NAV2: variants seen among roughly 807,000 people sequenced by gnomAD.
NAV2 encodes helicase, APC down-regulated 1.
In NAV2, 54 loss-of-function variants were observed where a neutral mutation model predicts 223.2. The ratio of observed to expected loss-of-function variants is 0.24; its 90% confidence interval spans 0.19 to 0.30. NAV2 has a LOEUF of 0.30. Ranked by LOEUF, NAV2 falls within the 10% of genes least tolerant of loss-of-function variation. NAV2 has a pLI of 1.00. For synonymous variants in NAV2, 1,279 were observed against 1,239.3 expected, an observed-to-expected ratio of 1.03 and a Z score of -0.67; for missense variants, 2,806 against 3,147.5, an observed-to-expected ratio of 0.89 and a Z score of 2.60.
At chr11:19,645,015 T>C (rs1342539142) in intron 1 of NAV2, among the ~76,000 whole-genome samples, 2 of 152,230 alleles carry the variant, frequency 1.3e-5, no homozygotes, top group Non-Finnish European at 2.9e-5. Context: ...TTTGCTGCTA[T>C]AACAAATTAT....
At chr11:19,458,032 T>A (rs4630267) in intron 1 of NAV2, among the ~76,000 whole-genome samples, 21,349 of 152,162 alleles carry the variant, frequency 0.14, 1,626 homozygotes, top group East Asian at 0.24. Context: ...AAAACCCCCA[T>A]CTGGTCCCCC....
At chr11:19,440,714 C>A (rs1416614459) in intron 1 of NAV2, among the ~76,000 whole-genome samples, 1 of 152,048 alleles carries the variant, frequency 6.6e-6, no homozygotes, top group East Asian at 1.9e-4. Context: ...ACCTGACTGC[C>A]CAGTCTACAC....
chr11:19,984,353 C>CAGAG, intron 11 of NAV2, 106 bp downstream of exon 11: 2 of 1,536,980 alleles, frequency 1.3e-6, no homozygotes, highest in South Asian at 2.3e-5. Flanking sequence ...CTTGAACCCA[C>CAGAG]AGAGAGGGAG....
At chr11:20,088,073 C>T (rs1046235067) in intron 26 of NAV2, among the ~76,000 whole-genome samples, 5 of 152,256 alleles carry the variant, frequency 3.3e-5, no homozygotes, top group South Asian at 2.1e-4. Context: ...AAATTATCAG[C>T]GATACAGCAT....
In NAV2 at chr11:19,602,173, C is replaced by CTTTT. The variant is rs1204696986; in HGVS notation, c.76-230292_76-230289dup. ...AGGCAAGGAGTGCATCTCTACAAGT[C>CTTTT]TTTTTTTTTTTTTTTTTTTTTTGAG... On this transcript the variant is annotated intron_variant, in intron 1 of 37. Transcript: ENST00000360655. 7.1e-4 allele frequency among the ~76,000 whole-genome samples: 82 copies of CTTTT among 116,250 alleles called. 1 individual carries two copies. Among genetic ancestry groups the CTTTT allele is most frequent in the African/African-American group, 2.3e-3 (66 of 28,652 alleles). 76.3% of individuals were successfully genotyped at this position (116,250 alleles called of 152,430 possible).
At chr11:19,826,043 T>A (rs2059628979) in intron 1 of NAV2, among the ~76,000 whole-genome samples, 1 of 152,140 alleles carries the variant, frequency 6.6e-6, no homozygotes, top group Non-Finnish European at 1.5e-5. Flanking sequence ...CTCTGCAAGA[T>A]GGAGTGATTG....
At chr11:19,923,389 CA>C (rs148743875) in intron 6 of NAV2, among the ~76,000 whole-genome samples, 6 of 149,914 alleles carry the variant, frequency 4.0e-5, no homozygotes, top group African/African-American at 7.3e-5. Flanking sequence ...GTCCTGTAGA[CA>C]AAAAAAAAAT....
intron 1 of NAV2, among the ~76,000 whole-genome samples, chr11:19,718,794 G>A (rs2050520567): frequency 6.6e-6 from 1 of 152,012 alleles, no homozygotes; most frequent in Non-Finnish European, 1.5e-5. Flanking sequence ...CATTACATGT[G>A]TATATATCTG....
At chr11:19,560,640 G>T (rs1387888598) in intron 1 of NAV2, among the ~76,000 whole-genome samples, 1 of 152,156 alleles carries the variant, frequency 6.6e-6, no homozygotes, top group Non-Finnish European at 1.5e-5. Flanking sequence ...ACAAATATGA[G>T]CTTTATTGCT....
At position 19,612,119 on chromosome 11, in the gene NAV2, C is replaced by T. The variant is rs567824523; in HGVS notation, c.76-220365C>T. On this transcript the variant is annotated intron_variant, in intron 1 of 37. Transcript: ENST00000360655. ...AGCTTCCACCCTCTGAAGCCATGGC[C>T]CAAGCTCTACATTGGCCCCTTTCAG... 2.0e-5 allele frequency among the ~76,000 whole-genome samples: 3 copies of T among 152,338 alleles called. No homozygotes were observed. The East Asian group carries it at 5.8e-4, about 29-fold the overall frequency.
At chr11:19,837,558 T>C (rs1198715713) in intron 2 of NAV2, among the ~76,000 whole-genome samples, 1 of 152,190 alleles carries the variant, frequency 6.6e-6, no homozygotes, top group African/African-American at 2.4e-5. Context: ...ATGTGCTTCC[T>C]GAGGTGATAC....
At chr11:19,890,282 A>G (rs1340557024) in intron 5 of NAV2, among the ~76,000 whole-genome samples, 2 of 152,198 alleles carry the variant, frequency 1.3e-5, no homozygotes, top group Non-Finnish European at 2.9e-5. Context: ...GCTGCCTCAC[A>G]GAGGACCAGA....
chr11:19,958,161 CCCATAGCTTT>C (rs1318525456), intron 10 of NAV2, among the ~76,000 whole-genome samples: 3 of 152,202 alleles, frequency 2.0e-5, no homozygotes, highest in Non-Finnish European at 1.5e-5. Flanking sequence ...TCCTCCTCCT[CCCATAGCTTT>C]CCAAAGCACA....
At chr11:19,974,242 T>C (rs1054782735) in intron 10 of NAV2, among the ~76,000 whole-genome samples, 1 of 152,204 alleles carries the variant, frequency 6.6e-6, no homozygotes, top group Non-Finnish European at 1.5e-5. Context: ...TTGGCCTGAC[T>C]ACCTGCAAGA....
At chr11:19,380,855 G>A (rs1184641874) in intron 1 of NAV2, among the ~76,000 whole-genome samples, 2 of 152,140 alleles carry the variant, frequency 1.3e-5, no homozygotes, top group Non-Finnish European at 2.9e-5. Flanking sequence ...GGGTTTTCCT[G>A]GGACATGGGA....
intron 6 of NAV2, among the ~76,000 whole-genome samples, chr11:19,895,104 C>CTTTTTTTTTTTTTTTTTTTTTTTTTT (rs71050690): frequency 3.3e-4 from 33 of 99,206 alleles, no homozygotes; most frequent in Non-Finnish European, 4.7e-4. Flanking sequence ...CTTTTTCTTT[C>CTTTTTTTTTTTTTTTTTTTTTTTTTT]TTTTTTTTTT....
intron 1 of NAV2, among the ~76,000 whole-genome samples, chr11:19,586,971 C>G (rs912484131): frequency 4.6e-5 from 7 of 152,354 alleles, no homozygotes; most frequent in African/African-American, 1.7e-4. Context: ...GCCCTGCCCC[C>G]AGAGGTGGAG....
intron 16 of NAV2, among the ~76,000 whole-genome samples, 175 bp downstream of exon 16, chr11:20,050,076 A>G (rs1351829876): frequency 1.3e-5 from 2 of 152,298 alleles, no homozygotes; most frequent in South Asian, 2.1e-4. Context: ...TCTGTCTGCT[A>G]AAGCCCAGGG....
chr11:19,405,319 T>C (rs905162019), intron 1 of NAV2, among the ~76,000 whole-genome samples: 2 of 152,108 alleles, frequency 1.3e-5, no homozygotes, highest in African/African-American at 2.4e-5. Flanking sequence ...TGCCAGATAT[T>C]GATTGTTTTT....
Sources: gnomAD v4.1 joint callset for allele counts (sites outside exome capture counted in the v4.1 genomes callset) on GRCh38, gnomAD v4.1.1 for gene constraint, MANE v1.5 for transcripts, NCBI Gene and HGNC (gene_info 2026-07-23, HGNC 2026-07-21) for gene names.